CTPS1: variants seen among roughly 807,000 people sequenced by gnomAD.
CTPS1 encodes the protein CTP synthetase 1.
CTPS1 carries 25 observed loss-of-function variants against 80.5 expected under a neutral mutation model. The ratio of observed to expected loss-of-function variants is 0.31; its 90% CI spans 0.23 to 0.43. The LOEUF is 0.43. CTPS1 is among the 20% of genes least tolerant of loss of function. The pLI is 1.00. For missense variants in CTPS1, 442 were observed against 725.7 expected (o/e 0.61, Z 4.49); for synonymous variants, 267 against 252.5 (o/e 1.06, Z -0.54).
At chr1:41,008,182 G>C (rs1217553481) in intron 14 of CTPS1, among the ~76,000 whole-genome samples, 1 of 152,322 alleles carries the variant, frequency 6.6e-6, no homozygotes, top group East Asian at 1.9e-4. Flanking sequence ...AAATGAGTCA[G>C]TAGAGCAGCC....
At chr1:40,986,048 C>G (rs1642443717) in intron 3 of CTPS1, among the ~76,000 whole-genome samples, 1 of 152,232 alleles carries the variant, frequency 6.6e-6, no homozygotes, top group Admixed American at 6.5e-5. Context: ...TCACTGCAGT[C>G]AGACCCTCAC....
At chr1:40,983,489 A>C in intron 2 of CTPS1, 33 bp downstream of exon 2, 1 of 1,557,534 alleles carries the variant, frequency 6.4e-7, no homozygotes, top group East Asian at 2.3e-5. Context: ...TAATAATTGC[A>C]TGTGGCAGAA....
In CTPS1 at chr1:41,009,438, A is replaced by G; in HGVS notation, c.1547-7A>G. On this transcript the variant is annotated splice_region_variant and splice_polypyrimidine_tract_variant and intron_variant, in intron 16 of 18. Transcript: ENST00000650070. ...ATGAAGCTGTTTCTTTTGAATCTCTATTTCAGATCATCCCTTTTTTGTTGG... is the reference window on the plus strand; with the variant it reads ...ATGAAGCTGTTTCTTTTGAATCTCTGTTTCAGATCATCCCTTTTTTGTTGG... 2 of 1,559,532 alleles carry G rather than the reference A, an allele frequency of 1.3e-6. No homozygotes were observed. Among genetic ancestry groups the G allele is most frequent in the Middle Eastern group, 1.7e-4 (1 of 5,812 alleles).
intron 16 of CTPS1, among the ~76,000 whole-genome samples, 199 bp from the exon 17 acceptor site, chr1:41,009,246 A>G (rs914319580): frequency 6.6e-6 from 1 of 152,182 alleles, no homozygotes; most frequent in Non-Finnish European, 1.5e-5. Flanking sequence ...TTCAGCCAGG[A>G]GGGGACAGCA....
chr1:41,003,060 G>C, intron 11 of CTPS1, 54 bp from the exon 12 acceptor site: 1 of 1,590,024 alleles, frequency 6.3e-7, no homozygotes, highest in Admixed American at 1.7e-5. Flanking sequence ...GCTGGGAAAA[G>C]TAGGAGCTGC....
rs756725880 is a variant in CTPS1, at chr1:40,983,364, C to T, written c.74C>T (p.Thr25Ile). The T allele has an allele frequency of 1.2e-6, 2 of 1,613,898 alleles. No homozygotes were observed. The highest frequency in any genetic ancestry group is 1.7e-6 in the Non-Finnish European group (2 of 1,179,916). Residue 25 changes from threonine (T) to isoleucine (I), a missense_variant, in exon 2 of 19, where the codon ACA (threonine) becomes ATA (isoleucine). Transcript: ENST00000650070. ...GGAATCATTGCCAGCAGTGTGGGCA[C>T]AATACTCAAGTCATGTGGTTTACAT... ...GKGIIASSVGTILKSCGLHVT... is the reference protein window; with the variant it reads ...GKGIIASSVGIILKSCGLHVT...
Position 40,987,455 on chromosome 1 carries a change from C to G in CTPS1, c.421C>G (p.Gln141Glu), listed in dbSNP as rs1300096532. 1.9e-6 allele frequency: 3 copies of G among 1,612,238 alleles called. No individual in the cohort carries two copies. The South Asian group carries it at 3.3e-5, about 18-fold the overall frequency. ...TGTAGATGAAGATGGCCTGGAACCT[C>G]AAGTGTGTGTTATTGAGGTTTGTAT... ...IPVDEDGLEP[Q>E]VCVIELGGTV... Residue 141 changes from glutamine to glutamate, a missense_variant, in exon 4 of 19, where the codon CAA (glutamine) becomes GAA (glutamate). This residue lies in a region of CTPS1 where 69 missense variants were observed against 102.1 expected (regional missense o/e 0.68). Transcript: ENST00000650070.
rs1231558447 is a variant in CTPS1 at position 40,991,975 on chromosome 1, C to T, written c.720+130C>T. The T allele has an allele frequency of 5.7e-6, 4 of 698,904 alleles. No homozygotes were observed. In the East Asian group the frequency reaches 8.2e-5, roughly 14 times the overall value. The allele number at this position is 698,904 out of a possible 1,614,324, so 43.3% of individuals were successfully genotyped here. ...GGGCTGTTCCAGAAGAACCCATTGCCATCGGCCATTCCCTGCCTCTCCTGG... is the reference window on the plus strand; with the variant it reads ...GGGCTGTTCCAGAAGAACCCATTGCTATCGGCCATTCCCTGCCTCTCCTGG... On this transcript the variant is annotated intron_variant, in intron 7 of 18. Coordinates refer to ENST00000650070, the MANE Select transcript of CTPS1 (RefSeq NM_001905.4).
chr1:41,008,226 C>CA (rs1195272719), intron 14 of CTPS1, among the ~76,000 whole-genome samples: 4 of 152,180 alleles, frequency 2.6e-5, no homozygotes, highest in Admixed American at 6.5e-5. Flanking sequence ...CACATGCAGC[C>CA]ACTGAGGGCT....
intron 1 of CTPS1, 174 bp downstream of exon 1, chr1:40,980,003 TG>T (rs1484090852): frequency 1.3e-5 from 2 of 151,168 alleles, no homozygotes; most frequent in African/African-American, 4.9e-5. Flanking sequence ...CTAACGGGAG[TG>T]GGGCGGGCGC....
At chr1:40,998,096 G>T (rs1642801225) in intron 9 of CTPS1, among the ~76,000 whole-genome samples, 5 of 152,158 alleles carry the variant, frequency 3.3e-5, no homozygotes. Context: ...AGAGTGTCAT[G>T]GTTAAGAGCA....
chr1:41,002,622 A>G (rs1188872163), intron 11 of CTPS1, among the ~76,000 whole-genome samples: 3 of 152,224 alleles, frequency 2.0e-5, no homozygotes. Context: ...TGTACATTTT[A>G]GTAATTTTCA....
intron 11 of CTPS1, 119 bp from the exon 12 acceptor site, chr1:41,002,995 T>C (rs1452830217): frequency 7.5e-6 from 7 of 928,378 alleles, no homozygotes; most frequent in African/African-American, 1.6e-5. Flanking sequence ...CAGGAAGTTA[T>C]GAGTTTGCAA....
In CTPS1 at chr1:41,006,722, T is replaced by C. The variant is rs137941456; in HGVS notation, c.1296+628T>C. ...AAAGGGAAGGGCACTTATTTACGTT[T>C]TTCAGCAGTCAGCAAATGTGAATGC... On this transcript the variant is annotated intron_variant, in intron 13 of 18. Coordinates refer to ENST00000650070, the MANE Select transcript of CTPS1 (RefSeq NM_001905.4). 3.7e-3 allele frequency among the ~76,000 whole-genome samples: 569 copies of C among 152,318 alleles called. 2 individuals carry two copies. Among genetic ancestry groups the C allele is most frequent in the Non-Finnish European group, 4.3e-3 (293 of 68,030 alleles).
chr1:41,001,796 C>G (rs902095598), intron 10 of CTPS1, among the ~76,000 whole-genome samples: 2 of 151,988 alleles, frequency 1.3e-5, no homozygotes, highest in African/African-American at 2.4e-5. Flanking sequence ...CTTGGGAGAT[C>G]AAGGCTGCAG....
chr1:40,995,634 A>C (rs892715973), intron 7 of CTPS1, among the ~76,000 whole-genome samples: 3 of 152,110 alleles, frequency 2.0e-5, no homozygotes, highest in Non-Finnish European at 2.9e-5. Context: ...CCTGAGCTCG[A>C]GCAATCCTCC....
intron 1 of CTPS1, chr1:40,983,067 A>G (rs1258117216): frequency 2.3e-6 from 1 of 426,152 alleles, no homozygotes; most frequent in Non-Finnish European, 4.2e-6. Context: ...TTGTTTTTCT[A>G]CACGTATTTG....
chr1:41,010,650 A>G (rs1643149773), intron 18 of CTPS1, among the ~76,000 whole-genome samples: 1 of 152,208 alleles, frequency 6.6e-6, no homozygotes, highest in African/African-American at 2.4e-5. Context: ...GAAGGAAGGG[A>G]CAGATACAAC....
At position 40,987,450 on chromosome 1, in the gene CTPS1, A is replaced by G. The variant is rs1219310921; in HGVS notation, c.416A>G (p.Glu139Gly). The change falls in exon 4 of 19, where the codon GAA (glutamate) becomes GGA (glycine). Residue 139 changes from glutamate to glycine, a missense_variant. Coordinates refer to ENST00000650070, the MANE Select transcript of CTPS1 (RefSeq NM_001905.4). ...ALIPVDEDGLEPQVCVIELGG... is the reference protein window; with the variant it reads ...ALIPVDEDGLGPQVCVIELGG... ...ATACCTGTAGATGAAGATGGCCTGG[A>G]ACCTCAAGTGTGTGTTATTGAGGTT... The G allele has an allele frequency of 1.9e-6, 3 of 1,613,164 alleles. No individual in the cohort carries two copies. In the Admixed American group the frequency reaches 5.0e-5, roughly 27 times the overall value.
Sources: gnomAD v4.1 joint callset for allele counts (sites outside exome capture counted in the v4.1 genomes callset) on GRCh38, gnomAD v4.1.1 for gene constraint, gnomAD v4.1.1 regional missense constraint, MANE v1.5 for transcripts, NCBI Gene and HGNC (gene_info 2026-07-23, HGNC 2026-07-21) for gene names.